CDH26: variants seen among roughly 807,000 people sequenced by gnomAD.
The protein encoded by CDH26 is cadherin 26.
CDH26 carries 83 observed loss-of-function variants against 90.3 expected under a neutral mutation model. The ratio of observed to expected loss-of-function variants is 0.92; its 90% confidence interval spans 0.77 to 1.10. The LOEUF (loss-of-function observed/expected upper bound fraction) is 1.10, where lower values mean the gene tolerates loss of function less well. Ranked by LOEUF, CDH26 falls within the 50% of genes least tolerant of loss-of-function variation. The pLI is 0.00. For missense variants in CDH26, 1,013 were observed against 1,037.6 expected (o/e 0.98, Z 0.33); for synonymous variants, 397 against 396.3 (o/e 1.00, Z -0.02).
At position 60,021,897 on chromosome 20, in the gene CDH26, C is replaced by CACACACACACACACACACACAT. The variant is rs1295572684; in HGVS notation, c.948-9333_948-9332insCACACACACACACACACACATA. ...ACACACACACACACACACACACACA[C>CACACACACACACACACACACAT]ATATATATATATATATATATCCTGA... On this transcript the variant is annotated intron_variant, in intron 7 of 8. Coordinates refer to the CDH26 transcript ENST00000370991. Among the ~76,000 whole-genome samples, 133 of 78,960 alleles carry CACACACACACACACACACACAT rather than the reference C, an allele frequency of 1.7e-3. 6 individuals carry two copies. The highest frequency in any genetic ancestry group is 6.2e-3 in the South Asian group (14 of 2,266). 51.8% of individuals were successfully genotyped at this position (78,960 alleles called of 152,430 possible). A position where few individuals can be genotyped will look rare whatever the true frequency, so the allele number is the denominator to read the frequency against.
chr20:59,969,012 A>G lies in CDH26; in HGVS notation c.115A>G (p.Lys39Glu), dbSNP rs751055600. The change falls in exon 2 of 18, where the codon AAG (lysine) becomes GAG (glutamate). Residue 39 changes from lysine to glutamate, a missense_variant. Physicochemically the swap from Lys to Glu is moderately conservative, Grantham distance 56. Coordinates refer to ENST00000348616, the MANE Select transcript of CDH26 (RefSeq NM_177980.4). ...TCAACAGGAAACAGATGATCTTACT[A>G]AGCAAACAAAGGTGAGGTTTGGAAG... is the stretch of plus-strand genomic sequence containing the variant. Reference protein sequence around the residue: ...SVQQETDDLTKQTKEKIYQPL... With the variant: ...SVQQETDDLTEQTKEKIYQPL... The G allele has an allele frequency of 6.3e-7, 1 of 1,591,854 alleles. No homozygotes were observed. Among genetic ancestry groups the G allele is most frequent in the South Asian group, 1.1e-5 (1 of 90,096 alleles).
chr20:59,967,872 TCTTTCTTCCTTCCTTC>T (rs1198481506), intron 1 of CDH26, among the ~76,000 whole-genome samples: 67 of 81,378 alleles, frequency 8.2e-4, no homozygotes, highest in African/African-American at 4.6e-3. Context: ...TTTCTTTCTT[TCTTTCTTCCTTCCTTC>T]CTTCCTTCCT....
At chr20:60,016,424 C>G (rs547609746), downstream of CDH26, among the ~76,000 whole-genome samples, 2 of 152,090 alleles carry the variant, frequency 1.3e-5, no homozygotes, top group Admixed American at 1.3e-4. Context: ...GTTTGTTGTT[C>G]ATGTATAGAA....
chr20:60,012,757 A>C lies in CDH26; in HGVS notation c.*27A>C. 6.2e-7 allele frequency: 1 copy of C among 1,602,280 alleles called. No individual in the cohort carries two copies. The highest frequency in any genetic ancestry group is 8.5e-7 in the Non-Finnish European group (1 of 1,170,994). ...AAAAAAAGTCTATTTTGGAGAATTG[A>C]AATAATTCATGGAAGGGAATCACTA... On this transcript the variant is annotated 3_prime_UTR_variant, in exon 18 of 18. Coordinates refer to ENST00000348616, the MANE Select transcript of CDH26 (RefSeq NM_177980.4).
chr20:60,009,614 G>A (rs1433881683), intron 17 of CDH26, among the ~76,000 whole-genome samples: 1 of 152,096 alleles, frequency 6.6e-6, no homozygotes, highest in Non-Finnish European at 1.5e-5. Context: ...TCTGCTTGGT[G>A]GTGTGAGAGG....
At chr20:60,031,399 A>G (rs1415080664) in exon 8 of CDH26, 14 of 1,216,778 alleles carry the variant, frequency 1.2e-5, no homozygotes, top group Non-Finnish European at 1.5e-5. Context: ...ACCCTCTTTC[A>G]AGAAAGTTGT....
chr20:60,006,634 T>A, intron 16 of CDH26, 79 bp from the exon 17 acceptor site: 1 of 1,007,788 alleles, frequency 9.9e-7, no homozygotes, highest in East Asian at 2.4e-5. Context: ...CCATCTATGC[T>A]GGGGCCACTG....
chr20:59,975,991 A>G (rs1323752738), intron 4 of CDH26, among the ~76,000 whole-genome samples: 2 of 152,220 alleles, frequency 1.3e-5, no homozygotes. Context: ...TTTTCTGTGT[A>G]TGGACCTTAT....
intron 7 of CDH26, among the ~76,000 whole-genome samples, chr20:60,028,174 C>T (rs1271255530): frequency 6.6e-6 from 1 of 152,218 alleles, no homozygotes; most frequent in Non-Finnish European, 1.5e-5. Context: ...CCCAGGACCT[C>T]CAGGCTGCTC....
Position 59,996,636 on chromosome 20 carries a change from C to T in CDH26, c.1894C>T (p.Leu632=). The T allele has an allele frequency of 2.5e-6, 4 of 1,614,166 alleles. No homozygotes were observed. Among genetic ancestry groups the T allele is most frequent in the Non-Finnish European group, 3.4e-6 (4 of 1,180,032 alleles). The stretch of plus-strand genomic sequence containing the variant: ...TCCCCTTTGTCTTATAACAGTGGCT[C>T]TGCTTTTTCTGTTGCGATGCTATTT... ...CAAFVALAVA[L]LFLLRCYFVL... is the part of the protein sequence containing the mutation. The change falls in exon 13 of 18, where the codon CTG becomes TTG. Residue 632 remains leucine (L), a synonymous_variant. Transcript: ENST00000348616.
At chr20:59,989,550 A>G (rs528012951) in intron 9 of CDH26, among the ~76,000 whole-genome samples, 299 of 151,668 alleles carry the variant, frequency 2.0e-3, no homozygotes, top group African/African-American at 4.7e-3. Context: ...AAAAAAAAAA[A>G]AAAGAAAAGA....
chr20:59,971,359 G>A (rs1307347255), intron 3 of CDH26, among the ~76,000 whole-genome samples: 2 of 152,132 alleles, frequency 1.3e-5, no homozygotes, highest in Non-Finnish European at 2.9e-5. Context: ...GTACAATGCG[G>A]TCAATGATAT....
intron 1 of CDH26, 69 bp from the exon 2 acceptor site, chr20:59,968,898 C>A: frequency 1.3e-6 from 1 of 765,986 alleles, no homozygotes. Context: ...ATTTGTGCAA[C>A]TCCAGGTGGT....
intron 16 of CDH26, among the ~76,000 whole-genome samples, chr20:60,005,591 A>G (rs750894367): frequency 6.6e-6 from 1 of 152,144 alleles, no homozygotes; most frequent in Non-Finnish European, 1.5e-5. Flanking sequence ...CTGGAACCCA[A>G]TAAGTATCCC....
At chr20:60,019,854 A>T (rs2061937750) in intron 7 of CDH26, among the ~76,000 whole-genome samples, 1 of 152,198 alleles carries the variant, frequency 6.6e-6, no homozygotes, top group South Asian at 2.1e-4. Flanking sequence ...TAGGTTTCAT[A>T]TGGAAAAACT....
At chr20:60,024,042 A>C (rs1022531196) in intron 7 of CDH26, among the ~76,000 whole-genome samples, 1 of 152,224 alleles carries the variant, frequency 6.6e-6, no homozygotes, top group African/African-American at 2.4e-5. Flanking sequence ...TTCAGCATTA[A>C]AAACGTGTCT....
chr20:60,000,762 A>C (rs914537317), intron 14 of CDH26, among the ~76,000 whole-genome samples: 1 of 152,174 alleles, frequency 6.6e-6, no homozygotes, highest in African/African-American at 2.4e-5. Context: ...TAGTAAGTAC[A>C]TCTCTGGTGA....
intron 4 of CDH26, among the ~76,000 whole-genome samples, chr20:59,979,544 T>G (rs2145981374): frequency 6.7e-6 from 1 of 148,662 alleles, no homozygotes; most frequent in Admixed American, 6.8e-5. Context: ...TCTCACTTTA[T>G]AAAACTAAAG....
intron 9 of CDH26, among the ~76,000 whole-genome samples, chr20:59,989,483 G>C (rs1308868333): frequency 1.3e-5 from 2 of 149,744 alleles, no homozygotes; most frequent in Non-Finnish European, 3.0e-5. Flanking sequence ...AGCCGAGATT[G>C]CGCCACTGCA....
Sources: gnomAD v4.1 joint callset for allele counts (sites outside exome capture counted in the v4.1 genomes callset) on GRCh38, gnomAD v4.1.1 for gene constraint, MANE v1.5 for transcripts, NCBI Gene and HGNC (gene_info 2026-07-23, HGNC 2026-07-21) for gene names.